The following KIAA0232 variants were observed in gnomAD, a reference collection of about 807,000 sequenced individuals.
KIAA0232 encodes the protein uncharacterized protein KIAA0232.
Under a neutral mutation model 122.0 loss-of-function variants are expected in KIAA0232, and 27 were observed. That is an observed-to-expected ratio of 0.22 (90% CI 0.16 to 0.31). The LOEUF is 0.31. KIAA0232 is among the 10% of genes least tolerant of loss of function. The pLI is 1.00. For missense variants in KIAA0232, 1,551 were observed against 1,634.2 expected, an observed-to-expected ratio of 0.95 and a Z score of 0.88; for synonymous variants, 613 against 587.6, an observed-to-expected ratio of 1.04 and a Z score of -0.63.
At chr4:6,877,772 C>T (rs1316464824) in intron 9 of KIAA0232, among the ~76,000 whole-genome samples, 1 of 152,118 alleles carries the variant, frequency 6.6e-6, no homozygotes, top group Non-Finnish European at 1.5e-5. Flanking sequence ...GTCTGCCTTT[C>T]CCAGCCCACT....
Position 6,861,063 on chromosome 4 carries a change from TGAAAGTGAAGTCACCAAG to T in KIAA0232, c.687_704del (p.Ser229_Glu234del). ...CTTCCTCTCCTAAGGACTGCAACAGTGAAAGTGAAGTCACCAAGGAAAGAAGCAGTGAAGTACCCACCA... is the reference window on the plus strand; with the variant it reads ...CTTCCTCTCCTAAGGACTGCAACAGTGAAAGAAGCAGTGAAGTACCCACCA... On this transcript the variant is annotated inframe_deletion, in exon 7 of 10. Transcript: ENST00000307659. 1 of 1,614,008 alleles carries T rather than the reference TGAAAGTGAAGTCACCAAG, an allele frequency of 6.2e-7. No homozygotes were observed. The highest frequency in any genetic ancestry group is 1.3e-5 in the African/African-American group (1 of 74,974).
intron 4 of KIAA0232, among the ~76,000 whole-genome samples, chr4:6,856,489 ACT>A (rs761782943): frequency 5.9e-5 from 9 of 151,720 alleles, no homozygotes; most frequent in Non-Finnish European, 1.2e-4. Flanking sequence ...TTAAAGGTTG[ACT>A]CTTATTTTTA....
At chr4:6,794,696 G>A (rs62289435) in intron 1 of KIAA0232, among the ~76,000 whole-genome samples, 28,330 of 151,984 alleles carry the variant, frequency 0.19, 3,413 homozygotes, top group East Asian at 0.38. Context: ...GCAAGTGAAA[G>A]GCCTTGGTTC....
chr4:6,876,770 T>G lies in KIAA0232; in HGVS notation c.4008+13T>G. The stretch of plus-strand genomic sequence containing the variant: ...AGATTTTAATAGGGTAAGTGGACTG[T>G]CCTCCTCCTCGTCATTAACTTACAA... On this transcript the variant is annotated intron_variant, in intron 9 of 9. Coordinates refer to ENST00000307659, the MANE Select transcript of KIAA0232 (RefSeq NM_014743.3). The G allele has an allele frequency of 6.5e-7, 1 of 1,543,960 alleles. No homozygotes were observed. Among genetic ancestry groups the G allele is most frequent in the Non-Finnish European group, 9.0e-7 (1 of 1,116,418 alleles).
At chr4:6,819,945 G>A (rs1199957198) in intron 2 of KIAA0232, among the ~76,000 whole-genome samples, 2 of 152,134 alleles carry the variant, frequency 1.3e-5, no homozygotes, top group Admixed American at 1.3e-4. Context: ...CATGTCCTTT[G>A]CAGCAACGTG....
At chr4:6,867,064 T>C (rs914310673) in intron 7 of KIAA0232, among the ~76,000 whole-genome samples, 12 of 152,378 alleles carry the variant, frequency 7.9e-5, no homozygotes, top group Admixed American at 3.3e-4. Context: ...TCCTATTTTT[T>C]CTTTTTGCTG....
chr4:6,825,862 C>A (rs1483402271), intron 3 of KIAA0232, among the ~76,000 whole-genome samples: 2 of 152,190 alleles, frequency 1.3e-5, no homozygotes, highest in African/African-American at 4.8e-5. Flanking sequence ...GGAAGGGTTT[C>A]ATTGTCAGGA....
chr4:6,837,519 A>G (rs919904199), intron 3 of KIAA0232, among the ~76,000 whole-genome samples: 3 of 152,218 alleles, frequency 2.0e-5, no homozygotes, highest in East Asian at 1.9e-4. Context: ...GGTGGCGGCC[A>G]GGCAGAGGCT....
At chr4:6,836,108 C>G (rs536857282) in intron 3 of KIAA0232, among the ~76,000 whole-genome samples, 2 of 152,220 alleles carry the variant, frequency 1.3e-5, no homozygotes, top group Middle Eastern at 3.2e-3. Context: ...GTTCCTATCT[C>G]TCCACATCTT....
chr4:6,864,737 CAAAAAAAA>C (rs59573520), intron 7 of KIAA0232, among the ~76,000 whole-genome samples: 1 of 70,310 alleles, frequency 1.4e-5, no homozygotes, highest in Non-Finnish European at 2.6e-5. Context: ...GACTCCATCT[CAAAAAAAA>C]AAAAAAAAAA....
intron 4 of KIAA0232, among the ~76,000 whole-genome samples, chr4:6,856,496 T>C (rs1185444467): frequency 1.3e-5 from 2 of 152,208 alleles, no homozygotes; most frequent in Non-Finnish European, 2.9e-5. Flanking sequence ...TTGACTCTTA[T>C]TTTTACCCTC....
Position 6,855,085 on chromosome 4 carries a change from ATTTT to A in KIAA0232, c.370-2073_370-2070del, listed in dbSNP as rs996496221. ...CATGATTTTTTATTTTTTATTTTTT[ATTTT>A]TTTTTATTTTTTTGAGACCGAGTCT... is the stretch of plus-strand genomic sequence containing the variant. On this transcript the variant is annotated intron_variant, in intron 4 of 9. Coordinates refer to ENST00000307659, the MANE Select transcript of KIAA0232 (RefSeq NM_014743.3). This position sits in a 1 kb window ranked among gnomAD's most constrained non-coding sequence, Gnocchi z 4.3. Among the ~76,000 whole-genome samples the A allele has an allele frequency of 2.7e-5, 4 of 149,610 alleles. No homozygotes were observed. The East Asian group carries it at 7.8e-4, about 29-fold the overall frequency.
At position 6,836,315 on chromosome 4, in the gene KIAA0232, T is replaced by G. The variant is rs1284454367; in HGVS notation, c.232-5752T>G. On this transcript the variant is annotated intron_variant, in intron 3 of 9. Transcript: ENST00000307659. ...TCCTTTGCCCACTTTTTGATGGGGT[T>G]GTTTGTTTGTTTTTTGTTTTGTTTT... Among the ~76,000 whole-genome samples, 10 of 151,342 alleles carry G rather than the reference T, an allele frequency of 6.6e-5. 1 individual carries two copies. The highest frequency in any genetic ancestry group is 6.2e-4 in the South Asian group (3 of 4,818).
chr4:6,809,184 A>G (rs1190296275), intron 2 of KIAA0232, among the ~76,000 whole-genome samples: 1 of 152,172 alleles, frequency 6.6e-6, no homozygotes, highest in Non-Finnish European at 1.5e-5. Flanking sequence ...TGTCTTTGAT[A>G]GTTTGTCTGT....
chr4:6,803,535 G>A (rs977169524), intron 1 of KIAA0232, among the ~76,000 whole-genome samples: 2 of 152,086 alleles, frequency 1.3e-5, no homozygotes, highest in African/African-American at 4.8e-5. Context: ...ATTTGGATAA[G>A]ATTACCCTGA....
intron 4 of KIAA0232, among the ~76,000 whole-genome samples, chr4:6,844,421 A>ATTTCTT (rs902761090): frequency 6.6e-6 from 1 of 150,934 alleles, no homozygotes; most frequent in Non-Finnish European, 1.5e-5. Context: ...TAACTTCTTA[A>ATTTCTT]TTTCTTTTTC....
intron 2 of KIAA0232, among the ~76,000 whole-genome samples, chr4:6,807,863 C>A (rs1223289073): frequency 6.6e-6 from 1 of 152,156 alleles, no homozygotes. Flanking sequence ...CACTTGAGGT[C>A]AGGAGACCAG....
At chr4:6,877,845 A>C (rs747695528) in intron 9 of KIAA0232, among the ~76,000 whole-genome samples, 6 of 152,162 alleles carry the variant, frequency 3.9e-5, no homozygotes, top group Admixed American at 6.5e-5. Context: ...AGTACTTTGC[A>C]TCCTTTAATC....
rs577598666 is a variant in KIAA0232, at chr4:6,855,141, A to G, written c.370-2023A>G. On this transcript the variant is annotated intron_variant, in intron 4 of 9. Transcript: ENST00000307659. This position sits in a 1 kb window ranked among gnomAD's most constrained non-coding sequence, Gnocchi z 4.3. The stretch of plus-strand genomic sequence containing the variant: ...GCTCTGTTGCCCAGGCTGGAGTGCA[A>G]TGACGCGATCTCAGCTCACTGCAAC... Among the ~76,000 whole-genome samples, 6 of 151,666 alleles carry G rather than the reference A, an allele frequency of 4.0e-5. No homozygotes were observed. The highest frequency in any genetic ancestry group is 4.2e-4 in the South Asian group (2 of 4,804).
Sources: allele counts gnomAD v4.1 joint callset (sites outside exome capture counted in the v4.1 genomes callset), GRCh38; gene constraint gnomAD v4.1.1; non-coding constraint Gnocchi (gnomAD v3.1); transcripts MANE v1.5; gene names NCBI Gene and HGNC (gene_info 2026-07-23, HGNC 2026-07-21).